Variants in B4GALNT4 observed in about 807,000 individuals in gnomAD.
The protein encoded by B4GALNT4 is N-acetyl-beta-glucosaminyl-glycoprotein 4-beta-N-acetylgalactosaminyltransferase 1.
Under a neutral mutation model 110.0 loss-of-function variants are expected in B4GALNT4, and 77 were observed. The ratio of observed to expected loss-of-function variants is 0.70; its 90% CI spans 0.58 to 0.85. The LOEUF (loss-of-function observed/expected upper bound fraction) is 0.85. Among genes scored for constraint, B4GALNT4 ranks in the 40% least tolerant of loss-of-function variants. The pLI is 0.00. For synonymous variants in B4GALNT4, 785 were observed against 655.5 expected (o/e 1.20, Z -3.02); for missense variants, 1,575 against 1,506.0 (o/e 1.05, Z -0.76).
rs775719551 is a variant in B4GALNT4, at chr11:375,626, C to A, written c.851-13C>A. 1 of 1,592,344 alleles carries A rather than the reference C, an allele frequency of 6.3e-7. No individual in the cohort carries two copies. The highest frequency in any genetic ancestry group is 1.1e-5 in the South Asian group (1 of 90,948). ...GGGGGTCTGAGCACTCCCTGGAACT[C>A]TTCTGCCCCCAGATGAGTCAGCCTT... On this transcript the variant is annotated splice_polypyrimidine_tract_variant and intron_variant, in intron 9 of 19. Coordinates refer to ENST00000329962, the MANE Select transcript of B4GALNT4 (RefSeq NM_178537.5).
intron 14 of B4GALNT4, among the ~76,000 whole-genome samples, chr11:377,574 C>T (rs888392459): frequency 6.6e-6 from 1 of 152,330 alleles, no homozygotes; most frequent in South Asian, 2.1e-4. Flanking sequence ...AGGGCTGGCG[C>T]CCCATCCTTG....
chr11:375,322 G>C, intron 8 of B4GALNT4, 139 bp from the exon 9 acceptor site: 1 of 889,222 alleles, frequency 1.1e-6, no homozygotes, highest in Admixed American at 1.8e-5. Flanking sequence ...GAACGCCCCG[G>C]ACCCCTCTGC....
At chr11:379,819 G>A (rs1846834466) in intron 15 of B4GALNT4, 47 bp from the exon 16 acceptor site, 4 of 1,548,706 alleles carry the variant, frequency 2.6e-6, no homozygotes, top group South Asian at 2.4e-5. Context: ...AGGCCCCACC[G>A]TAGAGTCAGC....
rs1471573134 is a variant in B4GALNT4, at chr11:369,620, G to A, written c.-184G>A. Among the ~76,000 whole-genome samples, 10 of 144,442 alleles carry A rather than the reference G, an allele frequency of 6.9e-5. No homozygotes were observed. Among genetic ancestry groups the A allele is most frequent in the Non-Finnish European group, 1.1e-4 (7 of 65,194 alleles). The allele number at this position is 144,442 out of a possible 152,430, so 94.8% of individuals were successfully genotyped here. A position where few individuals can be genotyped will look rare whatever the true frequency, so the allele number is the denominator to read the frequency against. On this transcript the variant is annotated 5_prime_UTR_variant, in exon 1 of 20. Coordinates refer to ENST00000329962, the MANE Select transcript of B4GALNT4 (RefSeq NM_178537.5). ...CCCCCGCCGCCCACCCCGGGCCCGC[G>A]GCCGAGGGCGGCCTGGGGGGGTCGC...
intron 18 of B4GALNT4, 149 bp downstream of exon 18, chr11:380,594 G>A: frequency 7.7e-7 from 1 of 1,295,566 alleles, no homozygotes; most frequent in Non-Finnish European, 1.1e-6. Context: ...CAGTCCCCCC[G>A]CACCAGCACA....
chr11:373,589 C>A, intron 7 of B4GALNT4, 73 bp downstream of exon 7: 1 of 1,553,258 alleles, frequency 6.4e-7, no homozygotes, highest in Non-Finnish European at 8.8e-7. Flanking sequence ...TCTCCTTATC[C>A]TGTGCACACT....
Position 373,295 on chromosome 11 carries a change from C to T in B4GALNT4, c.636+4C>T. 1.9e-6 allele frequency: 3 copies of T among 1,606,582 alleles called. No individual in the cohort carries two copies. The highest frequency in any genetic ancestry group is 2.6e-6 in the Non-Finnish European group (3 of 1,175,706). On this transcript the variant is annotated splice_donor_region_variant and intron_variant, in intron 6 of 19. Coordinates refer to ENST00000329962, the MANE Select transcript of B4GALNT4 (RefSeq NM_178537.5). ...GCTTGTGGCCTTTGTGGGCAAGGTACCCCCACCCCAGCCCTGGTGTCGTCC... is the reference window on the plus strand; with the variant it reads ...GCTTGTGGCCTTTGTGGGCAAGGTATCCCCACCCCAGCCCTGGTGTCGTCC...
chr11:379,844 C>CCT, intron 15 of B4GALNT4, 22 bp from the exon 16 acceptor site: 1 of 1,576,888 alleles, frequency 6.3e-7, no homozygotes, highest in Non-Finnish European at 8.6e-7. Context: ...GCTCAGCGCC[C>CCT]CCCCCGCCTT....
intron 14 of B4GALNT4, 27 bp downstream of exon 14, chr11:377,354 G>C (rs774334415): frequency 1.7e-5 from 25 of 1,473,898 alleles, no homozygotes; most frequent in Non-Finnish European, 2.2e-5. Flanking sequence ...ACGCGCGCCA[G>C]GGCGGTTTTG....
Position 369,954 on chromosome 11 carries a change from G to C in B4GALNT4, c.151G>C (p.Asp51His). Residue 51 changes from aspartate to histidine, a missense_variant and splice_region_variant, in exon 1 of 20, where the codon GAT (aspartate) becomes CAT (histidine). By Grantham distance (81) the Asp-to-His change is moderately conservative. Coordinates refer to ENST00000329962, the MANE Select transcript of B4GALNT4 (RefSeq NM_178537.5). ...ALRQRLGYGR[D>H]GEKLTSETDG... The stretch of plus-strand genomic sequence containing the variant: ...GCGCCAGCGCCTGGGCTACGGGCGA[G>C]GTACGGCGCGGGGGGCGCGGGGGGC... The C allele has an allele frequency of 1.0e-5, 10 of 965,462 alleles. No homozygotes were observed. Among genetic ancestry groups the C allele is most frequent in the Non-Finnish European group, 1.2e-5 (10 of 819,436 alleles). The allele number at this position is 965,462 out of a possible 1,614,324, so 59.8% of individuals were successfully genotyped here. A position where few individuals can be genotyped will look rare whatever the true frequency, so the allele number is the denominator to read the frequency against.
Position 377,941 on chromosome 11 carries a change from C to T in B4GALNT4, c.2204+614C>T, listed in dbSNP as rs984838506. Reference sequence around the variant, plus strand: ...TGGCCTTGGGGAGGCCTGTGGAGTTCTAAGAAGAGGCAGTGTCTGCTGTGC... The same window carrying T: ...TGGCCTTGGGGAGGCCTGTGGAGTTTTAAGAAGAGGCAGTGTCTGCTGTGC... On this transcript the variant is annotated intron_variant, in intron 14 of 19. Transcript: ENST00000329962. Among the ~76,000 whole-genome samples the T allele has an allele frequency of 2.0e-5, 3 of 152,220 alleles. No homozygotes were observed. The East Asian group carries it at 5.8e-4, about 29-fold the overall frequency.
chr11:369,984 G>GCCC, intron 1 of B4GALNT4, 30 bp downstream of exon 1: 1 of 379,410 alleles, frequency 2.6e-6, no homozygotes, highest in Non-Finnish European at 3.5e-6. Context: ...GGGGGCGCGG[G>GCCC]GGGCGGGGGC....
In B4GALNT4 at chr11:373,094, TTTC is replaced by T. The variant is rs1164211920; in HGVS notation, c.514_516del (p.Phe172del). The T allele has an allele frequency of 6.2e-7, 1 of 1,611,656 alleles. No homozygotes were observed. Among genetic ancestry groups the T allele is most frequent in the Admixed American group, 1.7e-5 (1 of 59,924 alleles). On this transcript the variant is annotated inframe_deletion, in exon 5 of 20. Coordinates refer to ENST00000329962, the MANE Select transcript of B4GALNT4 (RefSeq NM_178537.5). ...AGAACTATGGACTCCGTATTTTTGG[TTTC>T]ATCCACCCGGCGAGGGACGGTACGG...
chr11:376,151 C>T lies in B4GALNT4; in HGVS notation c.1173C>T (p.Arg391=), dbSNP rs1297350629. 3 of 1,533,572 alleles carry T rather than the reference C, an allele frequency of 2.0e-6. No homozygotes were observed. Among genetic ancestry groups the T allele is most frequent in the Non-Finnish European group, 2.7e-6 (3 of 1,131,164 alleles). The allele number at this position is 1,533,572 out of a possible 1,614,324, so 95.0% of individuals were successfully genotyped here. A position where few individuals can be genotyped will look rare whatever the true frequency, so the allele number is the denominator to read the frequency against. The change falls in exon 12 of 20, where the codon CGC becomes CGT. Residue 391 remains arginine, a synonymous_variant. Transcript: ENST00000329962. The part of the protein sequence containing the change: ...HMETDNKCFY[R]ESPLYLERFG... Reference sequence around the variant, plus strand: ...AGACGGACAACAAGTGCTTCTACCGCGAGTCTCCGCTGTATCTGGAGAGGT... The same window carrying T: ...AGACGGACAACAAGTGCTTCTACCGTGAGTCTCCGCTGTATCTGGAGAGGT...
Position 381,787 on chromosome 11 carries a change from T to C in B4GALNT4, c.3115T>C (p.Ser1039Pro). ...RSRKGSRTGA[S>P] Reference sequence around the variant, plus strand: ...CAGGAAGGGCTCTCGCACGGGGGCGTCTTGAGGACGGGCAGCCCCTCCCAG... The same window carrying C: ...CAGGAAGGGCTCTCGCACGGGGGCGCCTTGAGGACGGGCAGCCCCTCCCAG... The change falls in exon 20 of 20, where the codon TCT becomes CCT. Residue 1039 changes from serine to proline, a missense_variant. Physicochemically the swap from Ser to Pro is moderately conservative, Grantham distance 74. Transcript: ENST00000329962. 1 of 1,576,992 alleles carries C rather than the reference T, an allele frequency of 6.3e-7. No homozygotes were observed. The highest frequency in any genetic ancestry group is 8.6e-7 in the Non-Finnish European group (1 of 1,165,426).
chr11:372,760 C>T lies in B4GALNT4; in HGVS notation c.348+6C>T, dbSNP rs768444303. ...CACCCCCATGGCGGGAGGAGGTGAG[C>T]TGGCTCGGCCTGTAATGGGCTGGGA... On this transcript the variant is annotated splice_donor_region_variant and intron_variant, in intron 3 of 19. Coordinates refer to ENST00000329962, the MANE Select transcript of B4GALNT4 (RefSeq NM_178537.5). 1.4e-6 allele frequency: 2 copies of T among 1,390,216 alleles called. No homozygotes were observed. The highest frequency in any genetic ancestry group is 3.3e-5 in the African/African-American group (2 of 61,038). The allele number at this position is 1,390,216 out of a possible 1,614,324, so 86.1% of individuals were successfully genotyped here. A position where few individuals can be genotyped will look rare whatever the true frequency, so the allele number is the denominator to read the frequency against.
chr11:376,280 A>G lies in B4GALNT4; in HGVS notation c.1226A>G (p.Asp409Gly). Residue 409 changes from aspartate to glycine, a missense_variant, in exon 13 of 20, where the codon GAC (aspartate) becomes GGC (glycine). Physicochemically the swap from Asp to Gly is moderately conservative, Grantham distance 94. Coordinates refer to ENST00000329962, the MANE Select transcript of B4GALNT4 (RefSeq NM_178537.5). ...RFGFYKYMKM[D>G]KEEGDEDEED... Reference sequence around the variant, plus strand: ...GGGTTCTATAAATACATGAAGATGGACAAGGAGGAGGGGGATGAGGATGAA... The same window carrying G: ...GGGTTCTATAAATACATGAAGATGGGCAAGGAGGAGGGGGATGAGGATGAA... 6.2e-7 allele frequency: 1 copy of G among 1,610,104 alleles called. No homozygotes were observed. The highest frequency in any genetic ancestry group is 8.5e-7 in the Non-Finnish European group (1 of 1,178,300).
chr11:372,794 G>A lies in B4GALNT4; in HGVS notation c.348+40G>A, dbSNP rs114926357. On this transcript the variant is annotated intron_variant, in intron 3 of 19. Transcript: ENST00000329962. ...CCTGTAATGGGCTGGGAGGCAGGGCGGGGGCTGGGGCGGGGGGGCGGCGGG... is the reference window on the plus strand; with the variant it reads ...CCTGTAATGGGCTGGGAGGCAGGGCAGGGGCTGGGGCGGGGGGGCGGCGGG... The A allele has an allele frequency of 2.3e-3, 3,541 of 1,535,788 alleles. 80 individuals are homozygous for A. The African/African-American group carries it at 0.042, about 18-fold the overall frequency.
In B4GALNT4 at chr11:372,155, T is replaced by C. The variant is rs1370696516; in HGVS notation, c.198T>C (p.Ala66=). The C allele has an allele frequency of 6.5e-7, 1 of 1,549,910 alleles. No homozygotes were observed. The highest frequency in any genetic ancestry group is 1.2e-5 in the South Asian group (1 of 84,030). Residue 66 remains alanine, a synonymous_variant, in exon 2 of 20, where the codon GCT becomes GCC. Transcript: ENST00000329962. ...TSETDGRGVH[A]APSTQRAEDS... is the part of the protein sequence containing the mutation. ...AGACCGACGGCCGGGGGGTCCACGC[T>C]GCGCCATCCACACAGAGGGCTGAGG... is the stretch of plus-strand genomic sequence containing the variant.
Sources: allele counts gnomAD v4.1 joint callset (sites outside exome capture counted in the v4.1 genomes callset), GRCh38; gene constraint gnomAD v4.1.1; transcripts MANE v1.5; gene names NCBI Gene and HGNC (gene_info 2026-07-23, HGNC 2026-07-21).